ANKUB1: variants seen among roughly 807,000 people sequenced by gnomAD.
The protein encoded by ANKUB1 is ankyrin repeat and ubiquitin domain containing 1.
In ANKUB1, 42 loss-of-function variants were observed where a neutral mutation model predicts 49.3. The observed-to-expected ratio is 0.85, with a 90% CI of 0.67 to 1.10. The LOEUF is 1.10. ANKUB1 is among the 50% of genes least tolerant of loss of function. The pLI is 0.00. For synonymous variants in ANKUB1, 222 were observed against 231.0 expected, an observed-to-expected ratio of 0.96 and a Z score of 0.35; for missense variants, 613 against 642.0, an observed-to-expected ratio of 0.95 and a Z score of 0.49.
chr3:149,766,007 C>A (rs1232662450), intron 5 of ANKUB1, among the ~76,000 whole-genome samples: 2 of 152,180 alleles, frequency 1.3e-5, no homozygotes, highest in Non-Finnish European at 2.9e-5. Flanking sequence ...GCAAGTAGAA[C>A]AATCTAGCCT....
rs1716768538 is a variant in ANKUB1 at position 149,761,162 on chromosome 3, AAAAG to A, written c.*318_*321del. 6.0e-6 allele frequency: 1 copy of A among 166,896 alleles called. No homozygotes were observed. Among genetic ancestry groups the A allele is most frequent in the South Asian group, 2.0e-4 (1 of 5,006 alleles). 10.3% of individuals were successfully genotyped at this position (166,896 alleles called of 1,614,324 possible). On this transcript the variant is annotated 3_prime_UTR_variant, in exon 6 of 6. Coordinates refer to ENST00000446160, the MANE Select transcript of ANKUB1 (RefSeq NM_001144960.3). The stretch of plus-strand genomic sequence containing the variant: ...CCAAAACACATTTTTTTAGGAAAAA[AAAAG>A]AAAAACAAACAAAGGAACTGTAAAA...
intron 5 of ANKUB1, 161 bp downstream of exon 5, chr3:149,766,996 C>G: frequency 1.0e-6 from 1 of 997,570 alleles, no homozygotes; most frequent in Admixed American, 2.2e-5. Context: ...TCATTTTGTC[C>G]TAGTGATGAG....
intron 4 of ANKUB1, among the ~76,000 whole-genome samples, chr3:149,768,460 CACATG>C (rs1163441869): frequency 6.6e-6 from 1 of 152,196 alleles, no homozygotes; most frequent in Admixed American, 6.5e-5. Context: ...GATGGTCAAG[CACATG>C]AACACTAGAG....
chr3:149,761,584 T>G lies in ANKUB1; in HGVS notation c.1535A>C (p.Gln512Pro). The change falls in exon 6 of 6, where the codon CAG becomes CCG. Residue 512 changes from glutamine (Q) to proline (P), a missense_variant. Transcript: ENST00000446160. ...SAFKEKRWLQ[Q>P]LEIARVLAKK... ...GGCCAGGACTCTTGCTATTTCTAAC[T>G]GCTGAAGCCATCGTTTCTCTTTAAA... 1 of 1,551,258 alleles carries G rather than the reference T, an allele frequency of 6.4e-7. No individual in the cohort carries two copies. The highest frequency in any genetic ancestry group is 1.4e-5 in the African/African-American group (1 of 73,150).
intron 5 of ANKUB1, among the ~76,000 whole-genome samples, chr3:149,764,798 A>T (rs568208077): frequency 1.3e-4 from 20 of 150,990 alleles, no homozygotes; most frequent in Non-Finnish European, 2.5e-4. Flanking sequence ...TTTCTCTAGA[A>T]ATTTCTTTCT....
At chr3:149,792,239 T>C in intron 1 of ANKUB1, 38 bp downstream of exon 1, 1 of 1,399,980 alleles carries the variant, frequency 7.1e-7, no homozygotes, top group Admixed American at 2.7e-5. Context: ...TTGTTAAAAT[T>C]AATATACATT....
intron 2 of ANKUB1, 44 bp from the exon 3 acceptor site, chr3:149,780,499 G>C (rs944108312): frequency 1.9e-5 from 27 of 1,451,798 alleles, no homozygotes; most frequent in African/African-American, 2.8e-5. Context: ...TGGAGGTTCA[G>C]ATGAGGGCCA....
intron 4 of ANKUB1, 122 bp from the exon 5 acceptor site, chr3:149,768,217 T>A: frequency 1.3e-6 from 1 of 775,862 alleles, no homozygotes; most frequent in Non-Finnish European, 1.9e-6. Flanking sequence ...ACTTTTACCT[T>A]AAAATATTTT....
At chr3:149,780,508 C>A in intron 2 of ANKUB1, 53 bp from the exon 3 acceptor site, 1 of 1,383,978 alleles carries the variant, frequency 7.2e-7, no homozygotes. Flanking sequence ...AGATGAGGGC[C>A]AAGCATTTCA....
Position 149,780,447 on chromosome 3 carries a change from G to A in ANKUB1, c.243C>T (p.Asp81=). 2 of 1,551,256 alleles carry A rather than the reference G, an allele frequency of 1.3e-6. No individual in the cohort carries two copies. The highest frequency in any genetic ancestry group is 1.7e-6 in the Non-Finnish European group (2 of 1,146,260). The stretch of plus-strand genomic sequence containing the variant: ...CATTGAACACGTATAGAGTAGGCTT[G>A]TCTTCTTCCTAAAGGGAAAGAAAAG... ...STLKCFVKEE[D]KPTLYVFNAV... is the part of the protein sequence containing the mutation. The change falls in exon 3 of 6, where the codon GAC becomes GAT. Residue 81 remains aspartate, a synonymous_variant. Coordinates refer to ENST00000446160, the MANE Select transcript of ANKUB1 (RefSeq NM_001144960.3).
intron 2 of ANKUB1, among the ~76,000 whole-genome samples, chr3:149,788,619 G>A (rs1156446633): frequency 6.6e-6 from 1 of 152,192 alleles, no homozygotes; most frequent in East Asian, 1.9e-4. Flanking sequence ...TAAAACTTCA[G>A]GTAAAAGAGT....
rs1475668301 is a variant in ANKUB1 at position 149,767,723 on chromosome 3, A to G, written c.939T>C (p.Tyr313=). The part of the protein sequence containing the change: ...FPKISVPMRI[Y]IKIKQWILRA... ...TGAGGATCCATTGTTTTATTTTAAT[A>G]TAAATCCTCATTGGGACTGAAATTT... is the stretch of plus-strand genomic sequence containing the variant. The change falls in exon 5 of 6, where the codon TAT becomes TAC. Residue 313 remains tyrosine (Y), a synonymous_variant. Transcript: ENST00000446160. 2.5e-5 allele frequency: 39 copies of G among 1,551,536 alleles called. No homozygotes were observed. The highest frequency in any genetic ancestry group is 3.1e-5 in the Non-Finnish European group (35 of 1,146,974).
chr3:149,781,282 T>G (rs1717856640), intron 2 of ANKUB1, among the ~76,000 whole-genome samples: 1 of 152,204 alleles, frequency 6.6e-6, no homozygotes, highest in African/African-American at 2.4e-5. Context: ...ATACTTCTGT[T>G]AACAACAGTT....
At chr3:149,773,857 G>A (rs370404575) in intron 3 of ANKUB1, among the ~76,000 whole-genome samples, 26 of 152,202 alleles carry the variant, frequency 1.7e-4, no homozygotes, top group East Asian at 9.7e-4. Context: ...CTTAATTCCC[G>A]TAGGAGGGAA....
At chr3:149,766,953 A>G (rs1171738875) in intron 5 of ANKUB1, 7 of 1,043,862 alleles carry the variant, frequency 6.7e-6, no homozygotes, top group Non-Finnish European at 1.0e-5. Flanking sequence ...GGAGTAAAGT[A>G]CTGCACAGAT....
At chr3:149,786,067 G>A (rs147454457) in intron 2 of ANKUB1, among the ~76,000 whole-genome samples, 2,362 of 147,668 alleles carry the variant, frequency 0.016, 58 homozygotes, top group African/African-American at 0.055. Flanking sequence ...ACAGAGTCTC[G>A]CTTTTTCGCC....
chr3:149,768,187 T>A, intron 4 of ANKUB1, 92 bp from the exon 5 acceptor site: 4 of 919,254 alleles, frequency 4.4e-6, no homozygotes, highest in Non-Finnish European at 6.1e-6. Flanking sequence ...ATATTCTAGT[T>A]GAATGTTTAT....
chr3:149,779,922 A>G (rs1332114091), intron 3 of ANKUB1: 1 of 310,704 alleles, frequency 3.2e-6, no homozygotes, highest in East Asian at 6.8e-5. Flanking sequence ...TTTAGAAATA[A>G]TGCCTCCATT....
chr3:149,761,323 A>G lies in ANKUB1; in HGVS notation c.*161T>C. ...ACTAAAGTTTCACTTAGTGTGATGA[A>G]GTCTGAGAAAACATGGTGTTAAATA... On this transcript the variant is annotated 3_prime_UTR_variant, in exon 6 of 6. Coordinates refer to ENST00000446160, the MANE Select transcript of ANKUB1 (RefSeq NM_001144960.3). The G allele has an allele frequency of 1.3e-6, 1 of 793,808 alleles. No individual in the cohort carries two copies. The highest frequency in any genetic ancestry group is 2.6e-5 in the South Asian group (1 of 38,444). The allele number at this position is 793,808 out of a possible 1,614,324, so 49.2% of individuals were successfully genotyped here.
Sources: gnomAD v4.1 joint callset for allele counts (sites outside exome capture counted in the v4.1 genomes callset) on GRCh38, gnomAD v4.1.1 for gene constraint, MANE v1.5 for transcripts, NCBI Gene and HGNC (gene_info 2026-07-23, HGNC 2026-07-21) for gene names.